The following AQP7B variants were observed in gnomAD, a reference collection of about 807,000 sequenced individuals.
The protein encoded by AQP7B is putative aquaporin-7B.
chr2:94,603,792 C>T, the AQP7B span: 14 of 1,528,016 alleles, frequency 9.2e-6, no homozygotes, highest in South Asian at 3.5e-5. Context: ...CAGGAACACA[C>T]GCGCTGGTGA....
chr2:94,600,802 C>A, the AQP7B span, among the ~76,000 whole-genome samples: 1 of 151,846 alleles, frequency 6.6e-6, no homozygotes, highest in African/African-American at 2.4e-5. Context: ...TCACTTGAAC[C>A]CGGGAGTTGG....
At chr2:94,593,692 T>C in the AQP7B span, among the ~76,000 whole-genome samples, 2 of 151,940 alleles carry the variant, frequency 1.3e-5, no homozygotes, top group African/African-American at 4.8e-5. Flanking sequence ...CTCTATGTTG[T>C]TCAGGCTGGT....
chr2:94,591,259 CA>C, the AQP7B span, among the ~76,000 whole-genome samples: 3 of 152,266 alleles, frequency 2.0e-5, no homozygotes, highest in Admixed American at 6.5e-5. Flanking sequence ...TCCTCACACT[CA>C]ACATGTCCAG....
the AQP7B span, among the ~76,000 whole-genome samples, chr2:94,592,423 G>A: frequency 6.6e-6 from 1 of 152,306 alleles, no homozygotes. Flanking sequence ...AACCAGGGAT[G>A]AGTAGATTGA....
chr2:94,594,951 G>A, the AQP7B span: 1 of 840,758 alleles, frequency 1.2e-6, no homozygotes, highest in South Asian at 1.7e-5. Flanking sequence ...TGACCCCATG[G>A]GTCACATTGT....
the AQP7B span, among the ~76,000 whole-genome samples, chr2:94,604,114 GAGTATCAAC>G: frequency 6.6e-6 from 1 of 152,180 alleles, no homozygotes; most frequent in Non-Finnish European, 1.5e-5. Flanking sequence ...CACCTGCACT[GAGTATCAAC>G]CCTGTCCCTG....
At chr2:94,591,372 G>A in the AQP7B span, among the ~76,000 whole-genome samples, 434 of 152,222 alleles carry the variant, frequency 2.9e-3, 2 homozygotes, top group African/African-American at 9.9e-3. Context: ...GAGCTGCCCC[G>A]CTCCCTTCCC....
At chr2:94,587,471 G>A in the AQP7B span, among the ~76,000 whole-genome samples, 1 of 152,202 alleles carries the variant, frequency 6.6e-6, no homozygotes. Flanking sequence ...GATCTGGAAG[G>A]GCCATTCCCT....
the AQP7B span, among the ~76,000 whole-genome samples, chr2:94,591,210 G>T: frequency 6.6e-6 from 1 of 151,982 alleles, no homozygotes; most frequent in East Asian, 1.9e-4. Flanking sequence ...ATGACCAGCT[G>T]CCTCCTCACT....
the AQP7B span, chr2:94,603,733 C>T: frequency 2.7e-6 from 4 of 1,509,390 alleles, no homozygotes; most frequent in African/African-American, 2.7e-5. Context: ...CAGGATGCTC[C>T]AGCTGTGTCT....
At chr2:94,587,967 C>T in the AQP7B span, among the ~76,000 whole-genome samples, 1 of 151,982 alleles carries the variant, frequency 6.6e-6, no homozygotes, top group African/African-American at 2.4e-5. Context: ...TACCTTCATG[C>T]TGTCAGAGAT....
chr2:94,600,036 G>A, the AQP7B span, among the ~76,000 whole-genome samples: 7 of 151,812 alleles, frequency 4.6e-5, no homozygotes, highest in Non-Finnish European at 1.0e-4. Context: ...GCACCACCAC[G>A]CCTGGCTAAT....
the AQP7B span, among the ~76,000 whole-genome samples, chr2:94,588,698 C>T: frequency 6.6e-6 from 1 of 150,960 alleles, no homozygotes; most frequent in Non-Finnish European, 1.5e-5. Flanking sequence ...CCTCTGAGGT[C>T]CCAGAAGAAA....
At chr2:94,601,128 C>A in the AQP7B span, among the ~76,000 whole-genome samples, 40 of 152,330 alleles carry the variant, frequency 2.6e-4, no homozygotes, top group East Asian at 7.3e-3. Context: ...TGGTTTGAGG[C>A]CATCTGGCAC....
chr2:94,602,888 C>G, the AQP7B span: 1 of 989,858 alleles, frequency 1.0e-6, no homozygotes, highest in African/African-American at 1.6e-5. Context: ...AAGGTGGCCC[C>G]TGCCTCACGG....
At chr2:94,590,773 T>C in the AQP7B span, among the ~76,000 whole-genome samples, 228 of 150,984 alleles carry the variant, frequency 1.5e-3, 1 homozygote, top group African/African-American at 5.2e-3. Flanking sequence ...CAAAACCCCA[T>C]CTCTACAAAA....
At chr2:94,592,131 C>A in the AQP7B span, among the ~76,000 whole-genome samples, 125 of 152,226 alleles carry the variant, frequency 8.2e-4, 1 homozygote, top group Admixed American at 3.1e-3. Context: ...GTGTTCTTGT[C>A]TTTCTGCTCT....
the AQP7B span, chr2:94,603,796 C>T: frequency 6.5e-7 from 1 of 1,526,834 alleles, no homozygotes; most frequent in Admixed American, 1.7e-5. Flanking sequence ...AACACACGCG[C>T]TGGTGATAAG....
chr2:94,604,540 C>A, the AQP7B span: 40 of 1,608,150 alleles, frequency 2.5e-5, no homozygotes, highest in Non-Finnish European at 3.2e-5. Flanking sequence ...CTGCCCCACC[C>A]TTACATGAAT....
Sources: gnomAD v4.1 joint callset for allele counts (sites outside exome capture counted in the v4.1 genomes callset) on GRCh38, gnomAD v4.1.1 for gene constraint, MANE v1.5 for transcripts, NCBI Gene and HGNC (gene_info 2026-07-23, HGNC 2026-07-21) for gene names.